The following MAD1L1 variants were observed in gnomAD, a reference collection of about 807,000 sequenced individuals.
MAD1L1 encodes mitotic spindle assembly checkpoint protein MAD1.
Under a neutral mutation model 96.9 loss-of-function variants are expected in MAD1L1, and 95 were observed. That is an observed-to-expected ratio of 0.98 (90% CI 0.83 to 1.16). The LOEUF (loss-of-function observed/expected upper bound fraction) is 1.16, where lower values mean the gene tolerates loss of function less well. MAD1L1 is among the 50% of genes most tolerant of loss of function. The pLI is 0.00. For missense variants in MAD1L1, 1,007 were observed against 954.4 expected (o/e 1.06, Z -0.73); for synonymous variants, 473 against 396.6 (o/e 1.19, Z -2.29).
At chr7:1,932,098 C>G (rs1328671874) in intron 17 of MAD1L1, among the ~76,000 whole-genome samples, 1 of 152,268 alleles carries the variant, frequency 6.6e-6, no homozygotes, top group Admixed American at 6.5e-5. Flanking sequence ...GCACCAGGTT[C>G]TGTCCTAGAA....
intron 14 of MAD1L1, among the ~76,000 whole-genome samples, chr7:1,998,080 AAG>A (rs1781637807): frequency 2.0e-5 from 3 of 152,186 alleles, no homozygotes; most frequent in African/African-American, 7.2e-5. Context: ...TGGGCTAAAA[AAG>A]AGAAAAAACA....
intron 10 of MAD1L1, among the ~76,000 whole-genome samples, chr7:2,167,582 T>C (rs1356691870): frequency 1.3e-5 from 2 of 151,386 alleles, no homozygotes; most frequent in Non-Finnish European, 2.9e-5. Flanking sequence ...ATAATTAAAA[T>C]TAGCCGTGCA....
intron 10 of MAD1L1, among the ~76,000 whole-genome samples, chr7:2,170,174 G>A (rs1022959965): frequency 2.6e-5 from 4 of 152,302 alleles, no homozygotes; most frequent in Admixed American, 6.5e-5. Flanking sequence ...TGGCAGCCAC[G>A]TGAAGCAGCT....
chr7:2,137,545 C>G (rs1250940160), intron 11 of MAD1L1, among the ~76,000 whole-genome samples: 1 of 152,200 alleles, frequency 6.6e-6, no homozygotes, highest in Non-Finnish European at 1.5e-5. Flanking sequence ...CACACACCAC[C>G]TCTGGCCCAG....
chr7:1,881,887 C>T (rs1343170205), intron 18 of MAD1L1, among the ~76,000 whole-genome samples: 6 of 152,194 alleles, frequency 3.9e-5, no homozygotes, highest in African/African-American at 4.8e-5. Context: ...ATTCTCTATG[C>T]GGATATGAGG....
intron 10 of MAD1L1, among the ~76,000 whole-genome samples, chr7:2,192,098 G>A (rs755673418): frequency 6.6e-6 from 1 of 151,582 alleles, no homozygotes. Flanking sequence ...GGTGGAGGTA[G>A]CACGTTAAAT....
At chr7:1,946,621 T>G (rs917445113) in intron 16 of MAD1L1, among the ~76,000 whole-genome samples, 1 of 152,268 alleles carries the variant, frequency 6.6e-6, no homozygotes, top group African/African-American at 2.4e-5. Flanking sequence ...GCTCTGGTGC[T>G]GCTACCCAGC....
chr7:2,116,697 A>G (rs2128559158), intron 11 of MAD1L1, among the ~76,000 whole-genome samples: 1 of 152,206 alleles, frequency 6.6e-6, no homozygotes, highest in African/African-American at 2.4e-5. Context: ...GAAAAACCAG[A>G]GAAGAAGCCT....
chr7:1,868,444 C>G (rs941999482), intron 18 of MAD1L1, among the ~76,000 whole-genome samples: 2 of 152,080 alleles, frequency 1.3e-5, no homozygotes, highest in Non-Finnish European at 2.9e-5. Flanking sequence ...GGAGTGGGGC[C>G]CTCCATGTCT....
At chr7:2,121,701 A>C (rs1787989180) in intron 11 of MAD1L1, among the ~76,000 whole-genome samples, 1 of 145,196 alleles carries the variant, frequency 6.9e-6, no homozygotes, top group Non-Finnish European at 1.5e-5. Context: ...CCTGGGGGCC[A>C]GGAGTCCTCG....
chr7:2,026,293 T>C (rs1782992283), intron 12 of MAD1L1, among the ~76,000 whole-genome samples: 1 of 152,180 alleles, frequency 6.6e-6, no homozygotes, highest in South Asian at 2.1e-4. Flanking sequence ...ATGTGCCTAA[T>C]AAAACAGCAT....
In MAD1L1 at chr7:1,968,339, C is replaced by T. The variant is rs748224591; in HGVS notation, c.1506-10620G>A. 1.1e-4 allele frequency among the ~76,000 whole-genome samples: 16 copies of T among 149,114 alleles called. No individual in the cohort carries two copies. The highest frequency in any genetic ancestry group is 2.7e-4 in the Admixed American group (4 of 14,972). On this transcript the variant is annotated intron_variant, in intron 15 of 18. Transcript: ENST00000265854. This position sits in a 1 kb window ranked among gnomAD's most constrained non-coding sequence, Gnocchi z 5.6. ...GCCTCAGTCTGGTGGTCAGGTCAAC[C>T]GTCCACACCTCAGTCCAGTGGTCAG...
rs1314860993 is a variant in MAD1L1 at position 2,141,477 on chromosome 7, T to C, written c.1073+7675A>G. 2.6e-5 allele frequency among the ~76,000 whole-genome samples: 4 copies of C among 152,230 alleles called. 1 individual carries two copies. Among genetic ancestry groups the C allele is most frequent in the Middle Eastern group, 6.8e-3 (2 of 294 alleles). ...TGGGGGGCCACAGAGAACCCGGCATTGGCAGGATGGGCACCGGGTCTATGT... is the reference window on the plus strand; with the variant it reads ...TGGGGGGCCACAGAGAACCCGGCATCGGCAGGATGGGCACCGGGTCTATGT... On this transcript the variant is annotated intron_variant, in intron 11 of 18. Transcript: ENST00000265854.
At chr7:1,941,856 AG>A (rs1486477189) in intron 16 of MAD1L1, among the ~76,000 whole-genome samples, 1 of 141,464 alleles carries the variant, frequency 7.1e-6, no homozygotes, top group Non-Finnish European at 1.6e-5. Context: ...CAGGAGGGCG[AG>A]GGAAGTGGGA....
At chr7:1,845,598 C>A (rs1354106611) in intron 18 of MAD1L1, 1 of 134,006 alleles carries the variant, frequency 7.5e-6, no homozygotes, top group Non-Finnish European at 1.6e-5. Context: ...ACGTGCTCCA[C>A]GCAGACATGC....
chr7:2,203,833 G>A (rs1241316109), intron 10 of MAD1L1, among the ~76,000 whole-genome samples: 1 of 152,160 alleles, frequency 6.6e-6, no homozygotes, highest in Non-Finnish European at 1.5e-5. Flanking sequence ...AAGACGAACC[G>A]GGGCCAAGCA....
chr7:1,827,047 C>G, intron 18 of MAD1L1, among the ~76,000 whole-genome samples: 1 of 152,218 alleles, frequency 6.6e-6, no homozygotes, highest in Admixed American at 6.5e-5. Flanking sequence ...CTCCTGCAGC[C>G]GCAGCCGGAG....
intron 13 of MAD1L1, among the ~76,000 whole-genome samples, chr7:2,011,112 C>T (rs56180486): frequency 0.16 from 24,969 of 152,102 alleles, 2,628 homozygotes; most frequent in Middle Eastern, 0.3. Context: ...GAGCCCTCCC[C>T]GGCTGGGGCG....
At position 2,142,686 on chromosome 7, in the gene MAD1L1, A is replaced by G. The variant is rs1271121015; in HGVS notation, c.1073+6466T>C. Among the ~76,000 whole-genome samples the G allele has an allele frequency of 2.0e-5, 3 of 152,218 alleles. No individual in the cohort carries two copies. Among genetic ancestry groups the G allele is most frequent in the African/African-American group, 7.2e-5 (3 of 41,454 alleles). ...CAGGCTGATTCCACACCTTCTGCCAAAGACCATTTACATCGAGTGGCGCCA... is the reference window on the plus strand; with the variant it reads ...CAGGCTGATTCCACACCTTCTGCCAGAGACCATTTACATCGAGTGGCGCCA... On this transcript the variant is annotated intron_variant, in intron 11 of 18. Transcript: ENST00000265854. The surrounding 1 kb of genome is among the most constrained non-coding windows in gnomAD (Gnocchi z 4.7).
Sources: gnomAD v4.1 joint callset for allele counts (sites outside exome capture counted in the v4.1 genomes callset) on GRCh38, gnomAD v4.1.1 for gene constraint, Gnocchi (gnomAD v3.1) non-coding constraint, MANE v1.5 for transcripts, NCBI Gene and HGNC (gene_info 2026-07-23, HGNC 2026-07-21) for gene names.